Variants in ENTREP2 observed in about 807,000 individuals in gnomAD.
ENTREP2 encodes endosomal transmembrane epsin interactor 2, also known as protein ENTREP2.
At chr15:29,239,483 GA>G in the ENTREP2 span, among the ~76,000 whole-genome samples, 339 of 152,154 alleles carry the variant, frequency 2.2e-3, 1 homozygote, top group East Asian at 0.022. Flanking sequence ...ATCTCCCAGG[GA>G]CACCCCTCTT....
chr15:29,511,016 A>G, the ENTREP2 span, among the ~76,000 whole-genome samples: 2 of 152,032 alleles, frequency 1.3e-5, no homozygotes, highest in Non-Finnish European at 2.9e-5. Context: ...CAGGGAGGGG[A>G]ATATCACACA....
the ENTREP2 span, among the ~76,000 whole-genome samples, chr15:29,308,158 C>T: frequency 5.3e-5 from 8 of 152,206 alleles, no homozygotes; most frequent in African/African-American, 1.4e-4. Context: ...AACAGGAATT[C>T]GAACTGTCTT....
the ENTREP2 span, among the ~76,000 whole-genome samples, chr15:29,395,428 C>A: frequency 6.6e-6 from 1 of 151,194 alleles, no homozygotes; most frequent in East Asian, 1.9e-4. Flanking sequence ...CAGTATAAAC[C>A]TCCTCAATAA....
the ENTREP2 span, among the ~76,000 whole-genome samples, chr15:29,593,863 A>G: frequency 6.6e-6 from 1 of 152,220 alleles, no homozygotes; most frequent in Non-Finnish European, 1.5e-5. Flanking sequence ...TGGTGGTTAC[A>G]TAAATCTGCA....
the ENTREP2 span, among the ~76,000 whole-genome samples, chr15:29,569,205 AGTCT>A: frequency 2.9e-4 from 44 of 152,190 alleles, no homozygotes; most frequent in African/African-American, 1.0e-3. Context: ...ATGACCACAC[AGTCT>A]GTTGTTCCTA....
the ENTREP2 span, among the ~76,000 whole-genome samples, chr15:29,218,737 T>C: frequency 4.6e-5 from 7 of 152,256 alleles, no homozygotes; most frequent in Admixed American, 3.9e-4. Flanking sequence ...CTTCAATAAA[T>C]GGTGTTGGGA....
the ENTREP2 span, among the ~76,000 whole-genome samples, chr15:29,399,193 C>A: frequency 6.6e-6 from 1 of 152,234 alleles, no homozygotes; most frequent in Admixed American, 6.5e-5. Flanking sequence ...TGGATCTTTC[C>A]CTCGTAAAGC....
chr15:29,125,143 G>A, the ENTREP2 span, among the ~76,000 whole-genome samples: 1 of 152,240 alleles, frequency 6.6e-6, no homozygotes, highest in Non-Finnish European at 1.5e-5. Flanking sequence ...GTGCCGAGGT[G>A]TGAATTTCAC....
At chr15:29,343,596 T>C in the ENTREP2 span, among the ~76,000 whole-genome samples, 2 of 151,090 alleles carry the variant, frequency 1.3e-5, no homozygotes, top group African/African-American at 4.9e-5. Context: ...TTCTCTCTCT[T>C]TCTCTCTCCC....
At chr15:29,510,571 C>T in the ENTREP2 span, among the ~76,000 whole-genome samples, 5 of 151,154 alleles carry the variant, frequency 3.3e-5, no homozygotes, top group African/African-American at 2.4e-5. Context: ...TTTGGGAGGC[C>T]GAGGCGGGCG....
At chr15:29,200,718 C>T in the ENTREP2 span, among the ~76,000 whole-genome samples, 20 of 151,676 alleles carry the variant, frequency 1.3e-4, no homozygotes, top group African/African-American at 4.1e-4. Context: ...GCCACCAGGC[C>T]CAGCTAATTT....
the ENTREP2 span, among the ~76,000 whole-genome samples, chr15:29,510,663 C>T: frequency 2.6e-5 from 4 of 151,846 alleles, no homozygotes; most frequent in African/African-American, 9.7e-5. Flanking sequence ...AAAAATTAGC[C>T]GGGCATGGTG....
the ENTREP2 span, among the ~76,000 whole-genome samples, chr15:29,640,805 G>A: frequency 7.9e-5 from 12 of 152,082 alleles, no homozygotes; most frequent in Admixed American, 7.9e-4. Context: ...TACAACAGAA[G>A]CCAACACTTT....
the ENTREP2 span, among the ~76,000 whole-genome samples, chr15:29,594,532 G>A: frequency 6.6e-6 from 1 of 152,120 alleles, no homozygotes; most frequent in East Asian, 1.9e-4. Flanking sequence ...CGATGTTTTC[G>A]TTGCTCATGA....
At chr15:29,451,059 C>T in the ENTREP2 span, among the ~76,000 whole-genome samples, 23 of 151,876 alleles carry the variant, frequency 1.5e-4, no homozygotes, top group African/African-American at 5.3e-4. Flanking sequence ...CCCCAAGTCA[C>T]GAATTTACCT....
At chr15:29,544,523 T>C in the ENTREP2 span, among the ~76,000 whole-genome samples, 7 of 152,298 alleles carry the variant, frequency 4.6e-5, no homozygotes, top group East Asian at 1.2e-3. Flanking sequence ...AATTAACATT[T>C]TTTTCTTAAG....
chr15:29,549,768 A>T, the ENTREP2 span, among the ~76,000 whole-genome samples: 4 of 152,180 alleles, frequency 2.6e-5, no homozygotes, highest in African/African-American at 9.7e-5. Context: ...TAGCAGTCCC[A>T]GCCTAAATCC....
chr15:29,449,623 G>A, the ENTREP2 span, among the ~76,000 whole-genome samples: 1 of 152,126 alleles, frequency 6.6e-6, no homozygotes, highest in African/African-American at 2.4e-5. Flanking sequence ...AGAGTAAGAT[G>A]AACAAGACAA....
At chr15:29,249,427 A>G in the ENTREP2 span, among the ~76,000 whole-genome samples, 2 of 152,262 alleles carry the variant, frequency 1.3e-5, no homozygotes, top group African/African-American at 4.8e-5. Context: ...ACATGCATGC[A>G]TACCCATACA....
Sources: gnomAD v4.1 joint callset for allele counts (sites outside exome capture counted in the v4.1 genomes callset) on GRCh38, gnomAD v4.1.1 for gene constraint, MANE v1.5 for transcripts, NCBI Gene and HGNC (gene_info 2026-07-23, HGNC 2026-07-21) for gene names.